Variants in SERPINB6 observed in about 807,000 individuals in gnomAD.
The protein encoded by SERPINB6 is serpin family B member 6, also known as serpin B6.
A neutral mutation model predicts 26.1 loss-of-function variants in SERPINB6; 16 were observed. The ratio of observed to expected loss-of-function variants is 0.61; its 90% CI spans 0.42 to 0.93. The LOEUF (loss-of-function observed/expected upper bound fraction) is 0.93. Among genes scored for constraint, SERPINB6 ranks in the 40% least tolerant of loss-of-function variants. The pLI is 0.00. For missense variants in SERPINB6, 420 were observed against 478.0 expected (o/e 0.88, Z 1.13); for synonymous variants, 174 against 176.6 (o/e 0.99, Z 0.11).
chr6:2,969,198 A>C, intron 1 of SERPINB6: 1 of 987,358 alleles, frequency 1.0e-6, no homozygotes, highest in Non-Finnish European at 1.2e-6. Flanking sequence ...AGATTTTTCT[A>C]TCGAGGGCTT....
At chr6:2,964,437 A>G (rs1005080040) in intron 1 of SERPINB6, among the ~76,000 whole-genome samples, 15 of 152,210 alleles carry the variant, frequency 9.9e-5, no homozygotes, top group African/African-American at 3.4e-4. Context: ...CTATACATAC[A>G]ATTTAAATTT....
intron 1 of SERPINB6, among the ~76,000 whole-genome samples, chr6:2,964,881 G>T (rs1414487501): frequency 6.6e-6 from 1 of 152,210 alleles, no homozygotes; most frequent in Admixed American, 6.5e-5. Context: ...CTGTCGCCCA[G>T]GCTGGAATGC....
intron 5 of SERPINB6, 61 bp from the exon 6 acceptor site, chr6:2,949,130 T>A (rs1203025378): frequency 6.3e-7 from 1 of 1,583,766 alleles, no homozygotes; most frequent in African/African-American, 1.3e-5. Context: ...ATGGGACAAA[T>A]GTGTCGGAGC....
chr6:2,966,927 T>C, intron 1 of SERPINB6: 1 of 984,714 alleles, frequency 1.0e-6, no homozygotes, highest in Non-Finnish European at 1.2e-6. Flanking sequence ...AGTGCTGGGA[T>C]TATAGGCATG....
intron 1 of SERPINB6, chr6:2,970,724 CAAAAA>C (rs70995402): frequency 8.0e-4 from 857 of 1,068,216 alleles, no homozygotes; most frequent in Middle Eastern, 2.9e-3. Context: ...ATCTTTAGGA[CAAAAA>C]AAAAAAAAAA....
Position 2,948,895 on chromosome 6 carries a change from C to T in SERPINB6, c.729+19G>A, listed in dbSNP as rs1234730268. 3.1e-6 allele frequency: 5 copies of T among 1,614,082 alleles called. No individual in the cohort carries two copies. Among genetic ancestry groups the T allele is most frequent in the African/African-American group, 2.7e-5 (2 of 74,950 alleles). On this transcript the variant is annotated intron_variant, in intron 6 of 6. Coordinates refer to ENST00000380539, the MANE Select transcript of SERPINB6 (RefSeq NM_004568.6). The surrounding 1 kb of genome is among the most constrained non-coding windows in gnomAD (Gnocchi z 5.0). ...AGTGGCTCCTTGCTAGCACGCCTCG[C>T]TCACAGCTTAGCTGTTACCGTTCTC...
intron 1 of SERPINB6, chr6:2,969,780 G>GTA: frequency 1.0e-6 from 1 of 984,316 alleles, no homozygotes; most frequent in Non-Finnish European, 1.2e-6. Flanking sequence ...GTGTGTGTGT[G>GTA]TGTGTGTTGT....
At position 2,949,220 on chromosome 6, in the gene SERPINB6, T is replaced by C. The variant is rs1329876842; in HGVS notation, c.574-151A>G. 5 of 849,158 alleles carry C rather than the reference T, an allele frequency of 5.9e-6. No homozygotes were observed. In the Admixed American group the frequency reaches 8.3e-5, roughly 14 times the overall value. The allele number at this position is 849,158 out of a possible 1,614,324, so 52.6% of individuals were successfully genotyped here. ...ACCCGGCAGCGCCTGCTCTGCCATCTTCATTACCTCAACCTCCAGAAACTG... is the reference window on the plus strand; with the variant it reads ...ACCCGGCAGCGCCTGCTCTGCCATCCTCATTACCTCAACCTCCAGAAACTG... On this transcript the variant is annotated intron_variant, in intron 5 of 6. Transcript: ENST00000380539.
chr6:2,954,471 G>T lies in SERPINB6; in HGVS notation c.430+121C>A, dbSNP rs1770191478. 3.6e-6 allele frequency: 3 copies of T among 836,664 alleles called. No individual in the cohort carries two copies. In the East Asian group the frequency reaches 7.4e-5, roughly 21 times the overall value. The allele number at this position is 836,664 out of a possible 1,614,324, so 51.8% of individuals were successfully genotyped here. ...CTGATTTCAGAAGCAGATTTTTTAA[G>T]TTTGCAGTTATTCAGAGAAAAAAAA... On this transcript the variant is annotated intron_variant, in intron 4 of 6. Transcript: ENST00000380539.
intron 1 of SERPINB6, chr6:2,966,818 A>G: frequency 2.9e-6 from 1 of 341,308 alleles, no homozygotes; most frequent in Non-Finnish European, 4.1e-6. Flanking sequence ...CACCACGCCC[A>G]GTTCATTTTT....
At chr6:2,953,458 T>C (rs908425566) in intron 4 of SERPINB6, among the ~76,000 whole-genome samples, 2 of 152,310 alleles carry the variant, frequency 1.3e-5, no homozygotes, top group African/African-American at 4.8e-5. Context: ...GAAGCAATCA[T>C]GGGTGCCTAT....
intron 5 of SERPINB6, among the ~76,000 whole-genome samples, chr6:2,950,727 C>G (rs2113126327): frequency 6.6e-6 from 1 of 152,336 alleles, no homozygotes; most frequent in South Asian, 2.1e-4. Flanking sequence ...ATCCAACAAT[C>G]CCCCTCAGTT....
chr6:2,955,759 TCCAGACCCTTA>T, intron 2 of SERPINB6, 89 bp from the exon 3 acceptor site: 1 of 1,414,704 alleles, frequency 7.1e-7, no homozygotes, highest in Non-Finnish European at 9.9e-7. Flanking sequence ...CTAACAACCA[TCCAGACCCTTA>T]TTACTGCTTA....
intron 1 of SERPINB6, among the ~76,000 whole-genome samples, chr6:2,961,624 G>C (rs576014041): frequency 6.6e-6 from 1 of 152,178 alleles, no homozygotes; most frequent in Non-Finnish European, 1.5e-5. Flanking sequence ...TGTGAAGTCC[G>C]TGTCTCAGGA....
intron 3 of SERPINB6, chr6:2,955,041 T>C: frequency 3.2e-6 from 1 of 315,800 alleles, no homozygotes. Context: ...AATACAAAAA[T>C]TAGCCATGTA....
At chr6:2,954,498 T>A (rs1770194258) in intron 4 of SERPINB6, 94 bp downstream of exon 4, 3 of 1,021,364 alleles carry the variant, frequency 2.9e-6, no homozygotes, top group Non-Finnish European at 4.6e-6. Context: ...GAAAAAAAAA[T>A]CATTCCTGTT....
intron 1 of SERPINB6, among the ~76,000 whole-genome samples, chr6:2,964,965 G>A (rs1368888521): frequency 6.6e-6 from 1 of 152,182 alleles, no homozygotes; most frequent in Non-Finnish European, 1.5e-5. Flanking sequence ...GCCTCCTAAA[G>A]TGCTGGAACT....
chr6:2,963,031 A>G (rs1771283661), intron 1 of SERPINB6, among the ~76,000 whole-genome samples: 1 of 152,206 alleles, frequency 6.6e-6, no homozygotes, highest in South Asian at 2.1e-4. Flanking sequence ...GAGAAAGGAG[A>G]TTGTCAGAAA....
intron 5 of SERPINB6, among the ~76,000 whole-genome samples, chr6:2,951,221 ACTAAAAATGCAAAAATTAGC>A (rs1263293986): frequency 6.6e-6 from 1 of 151,974 alleles, no homozygotes; most frequent in African/African-American, 2.4e-5. Flanking sequence ...CCCCGTCTCT[ACTAAAAATGCAAAAATTAGC>A]CGGGCATAGT....
Sources: allele counts gnomAD v4.1 joint callset (sites outside exome capture counted in the v4.1 genomes callset), GRCh38; gene constraint gnomAD v4.1.1; non-coding constraint Gnocchi (gnomAD v3.1); transcripts MANE v1.5; gene names NCBI Gene and HGNC (gene_info 2026-07-23, HGNC 2026-07-21).